FSCN2: variants seen among roughly 807,000 people sequenced by gnomAD.
FSCN2 encodes the protein fascin-2.
FSCN2 carries 46 observed loss-of-function variants against 37.8 expected under a neutral mutation model. The observed-to-expected ratio is 1.22, with a 90% CI of 0.96 to 1.56. The LOEUF (loss-of-function observed/expected upper bound fraction) is 1.56. Among genes scored for constraint, FSCN2 ranks in the 40% most tolerant of loss-of-function variants. The probability of loss-of-function intolerance (pLI) is 0.00; values close to 1 mark genes in which losing one functional copy is unlikely to be tolerated. For missense variants in FSCN2, 844 were observed against 730.4 expected (o/e 1.16, Z -1.79); for synonymous variants, 351 against 309.4 (o/e 1.13, Z -1.41).
In FSCN2 at chr17:81,536,973, C is replaced by T. The variant is rs374827376; in HGVS notation, c.1372C>T (p.Arg458Cys). The change falls in exon 5 of 5, where the codon CGC becomes TGC. Residue 458 changes from arginine (R) to cysteine (C), a missense_variant. Physicochemically the swap from Arg to Cys is radical, Grantham distance 180. Transcript: ENST00000417245. The part of the protein sequence containing the change: ...DFVFEFRERG[R>C]LAIRARSGKY... ...CGTCTTCGAGTTCCGTGAGCGCGGC[C>T]GCCTGGCCATCCGCGCCCGGAGCGG... is the stretch of plus-strand genomic sequence containing the variant. 1.1e-4 allele frequency: 177 copies of T among 1,543,140 alleles called. No homozygotes were observed. The highest frequency in any genetic ancestry group is 1.4e-4 in the Non-Finnish European group (166 of 1,153,420).
rs890547908 is a variant in FSCN2, at chr17:81,536,073, G to A, written c.984-73G>A. The stretch of plus-strand genomic sequence containing the variant: ...TTCTGTCCCACTCCTTGGAACCTGA[G>A]GAGGATGGGGAAGTGAGACCCTGCA... On this transcript the variant is annotated intron_variant, in intron 2 of 4. Coordinates refer to ENST00000417245, the MANE Select transcript of FSCN2 (RefSeq NM_012418.4). The A allele has an allele frequency of 3.2e-6, 5 of 1,542,370 alleles. No homozygotes were observed. The African/African-American group carries it at 6.8e-5, about 21-fold the overall frequency.
intron 1 of FSCN2, chr17:81,529,651 G>A: frequency 3.1e-6 from 2 of 650,008 alleles, no homozygotes; most frequent in South Asian, 1.4e-5. Flanking sequence ...GGCAGCTGCG[G>A]AGTCTGAGAC....
At position 81,529,242 on chromosome 17, in the gene FSCN2, C is replaced by T. The variant is rs1555670817; in HGVS notation, c.711C>T (p.Thr237=). ...HYLAPVGPAG[T]LKAGRNTRPG... is the part of the protein sequence containing the mutation. ...TGGCACCCGTGGGGCCCGCAGGCAC[C>T]CTCAAGGCCGGCCGAAACACGCGAC... Residue 237 remains threonine (T), a synonymous_variant, in exon 1 of 5, where the codon ACC becomes ACT. Transcript: ENST00000417245. 1 of 1,597,484 alleles carries T rather than the reference C, an allele frequency of 6.3e-7. No homozygotes were observed. The highest frequency in any genetic ancestry group is 8.5e-7 in the Non-Finnish European group (1 of 1,170,382).
In FSCN2 at chr17:81,529,299, G is replaced by C. The variant is rs1002976991; in HGVS notation, c.768G>C (p.Glu256Asp). 6.3e-7 allele frequency: 1 copy of C among 1,574,972 alleles called. No individual in the cohort carries two copies. Among genetic ancestry groups the C allele is most frequent in the Non-Finnish European group, 8.6e-7 (1 of 1,158,608 alleles). ...AGGATGAGCTCTTTGATCTGGAGGA[G>C]AGTCACCCACAGGTGGTGCTGGTGG... ...PGKDELFDLE[E>D]SHPQVVLVAA... The change falls in exon 1 of 5, where the codon GAG (glutamate) becomes GAC (aspartate). Residue 256 changes from glutamate to aspartate, a missense_variant. Physicochemically the swap from Glu to Asp is conservative, Grantham distance 45. Coordinates refer to ENST00000417245, the MANE Select transcript of FSCN2 (RefSeq NM_012418.4).
upstream of FSCN2, among the ~76,000 whole-genome samples, chr17:81,524,919 A>ACACACACACACACACACC (rs10677990): frequency 2.8e-5 from 4 of 142,462 alleles, no homozygotes; most frequent in African/African-American, 1.1e-4. Context: ...ACACACACAC[A>ACACACACACACACACACC]CCACACTCAC....
At position 81,537,017 on chromosome 17, in the gene FSCN2, C is replaced by T. The variant is rs940417475; in HGVS notation, c.1416C>T (p.Gly472=). The T allele has an allele frequency of 6.7e-7, 1 of 1,501,504 alleles. No homozygotes were observed. Among genetic ancestry groups the T allele is most frequent in the South Asian group, 1.3e-5 (1 of 79,910 alleles). 93.0% of individuals were successfully genotyped at this position (1,501,504 alleles called of 1,614,324 possible). A position where few individuals can be genotyped will look rare whatever the true frequency, so the allele number is the denominator to read the frequency against. ...GGAGCGGCAAGTACCTGCGCGGCGG[C>T]GCCTCGGGCCTGCTGCGGGCCGATG... ...RARSGKYLRG[G]ASGLLRADAD... The change falls in exon 5 of 5, where the codon GGC becomes GGT. Residue 472 remains glycine, a synonymous_variant. Transcript: ENST00000417245.
the FSCN2 span, among the ~76,000 whole-genome samples, chr17:81,515,706 T>C: frequency 6.6e-6 from 1 of 152,212 alleles, no homozygotes; most frequent in African/African-American, 2.4e-5. Flanking sequence ...TCCACACCAG[T>C]TGACAGGGCC....
intron 1 of FSCN2, chr17:81,529,630 G>A (rs1403801596): frequency 5.8e-6 from 4 of 690,638 alleles, no homozygotes; most frequent in East Asian, 2.9e-5. Context: ...GAATGTCTCA[G>A]CCAAGCCCTG....
intron 1 of FSCN2, among the ~76,000 whole-genome samples, chr17:81,532,407 ATGG>A (rs2032709175): frequency 7.6e-6 from 1 of 131,166 alleles, no homozygotes; most frequent in East Asian, 2.5e-4. Flanking sequence ...GATGATAGTG[ATGG>A]TGATGATGGT....
At chr17:81,535,560 A>C in intron 2 of FSCN2, among the ~76,000 whole-genome samples, 1 of 124,420 alleles carries the variant, frequency 8.0e-6, no homozygotes, top group Non-Finnish European at 1.7e-5. Flanking sequence ...CTCCATCACC[A>C]CCATCCCCAT....
Position 81,536,998 on chromosome 17 carries a change from G to A in FSCN2, c.1397G>A (p.Gly466Asp), listed in dbSNP as rs1451386146. The A allele has an allele frequency of 6.6e-7, 1 of 1,518,114 alleles. No individual in the cohort carries two copies. 94.0% of individuals were successfully genotyped at this position (1,518,114 alleles called of 1,614,324 possible). ...CGCCTGGCCATCCGCGCCCGGAGCG[G>A]CAAGTACCTGCGCGGCGGCGCCTCG... ...RGRLAIRARS[G>D]KYLRGGASGL... is the part of the protein sequence containing the mutation. The change falls in exon 5 of 5, where the codon GGC becomes GAC. Residue 466 changes from glycine to aspartate, a missense_variant. Physicochemically the swap from Gly to Asp is moderately conservative, Grantham distance 94. Coordinates refer to ENST00000417245, the MANE Select transcript of FSCN2 (RefSeq NM_012418.4).
At chr17:81,519,977 A>C in the FSCN2 span, among the ~76,000 whole-genome samples, 1 of 152,208 alleles carries the variant, frequency 6.6e-6, no homozygotes, top group Admixed American at 6.5e-5. Context: ...GAGGCAACCC[A>C]GCAGGAAAAG....
chr17:81,528,397 AG>A lies in FSCN2; in HGVS notation c.-130del, dbSNP rs1293287130. On this transcript the variant is annotated 5_prime_UTR_variant, in exon 1 of 5. Coordinates refer to ENST00000417245, the MANE Select transcript of FSCN2 (RefSeq NM_012418.4). ...GGGTCAGAGGCGGGTCAGAGCAGGC[AG>A]GGGGTTCGTGACGCCGGCTGGGTCT... 3.0e-6 allele frequency: 2 copies of A among 661,722 alleles called. No homozygotes were observed. Among genetic ancestry groups the A allele is most frequent in the Non-Finnish European group, 5.2e-6 (2 of 386,728 alleles). The allele number at this position is 661,722 out of a possible 1,614,324, so 41.0% of individuals were successfully genotyped here.
the FSCN2 span, among the ~76,000 whole-genome samples, chr17:81,515,292 C>G: frequency 1.3e-5 from 2 of 152,044 alleles, no homozygotes; most frequent in African/African-American, 4.8e-5. Context: ...CTTCTGGAAC[C>G]AGTGCCGGAG....
Position 81,537,070 on chromosome 17 carries a change from G to T in FSCN2, c.1469G>T (p.Trp490Leu). Reference protein sequence around the residue: ...DADAPAGTALWEY With the variant: ...DADAPAGTALLEY ...GACGCCCCGGCCGGGACCGCGCTTT[G>T]GGAGTACTGAGGCCGCGCCCAGACC... is the stretch of plus-strand genomic sequence containing the variant. The change falls in exon 5 of 5, where the codon TGG (tryptophan) becomes TTG (leucine). Residue 490 changes from tryptophan (W) to leucine (L), a missense_variant. Transcript: ENST00000417245. The T allele has an allele frequency of 4.8e-6, 7 of 1,452,990 alleles. No individual in the cohort carries two copies. Among genetic ancestry groups the T allele is most frequent in the Non-Finnish European group, 6.3e-6 (7 of 1,109,946 alleles). 90.0% of individuals were successfully genotyped at this position (1,452,990 alleles called of 1,614,324 possible). A position where few individuals can be genotyped will look rare whatever the true frequency, so the allele number is the denominator to read the frequency against.
rs886044892 is a variant in FSCN2, at chr17:81,528,880, C to G, written c.349C>G (p.Gln117Glu). Residue 117 changes from glutamine to glutamate, a missense_variant, in exon 1 of 5, where the codon CAG (glutamine) becomes GAG (glutamate). By Grantham distance (29) the Gln-to-Glu change is conservative (BLOSUM62 2). Transcript: ENST00000417245. ...HGRFFGGTED[Q>E]LSCFATAVSP... is the part of the protein sequence containing the mutation. ...CCGCTTCTTCGGAGGCACCGAGGACCAGCTGTCCTGCTTCGCCACAGCCGT... is the reference window on the plus strand; with the variant it reads ...CCGCTTCTTCGGAGGCACCGAGGACGAGCTGTCCTGCTTCGCCACAGCCGT... 6.4e-6 allele frequency: 10 copies of G among 1,571,772 alleles called. No individual in the cohort carries two copies. In the Admixed American group the frequency reaches 1.6e-4, roughly 26 times the overall value.
upstream of FSCN2, among the ~76,000 whole-genome samples, chr17:81,523,447 G>A (rs781785503): frequency 1.3e-5 from 2 of 152,248 alleles, no homozygotes; most frequent in Non-Finnish European, 2.9e-5. Context: ...AAAAAATCAT[G>A]AGGTCGCCAG....
Position 81,528,788 on chromosome 17 carries a change from G to T in FSCN2, c.257G>T (p.Arg86Leu), listed in dbSNP as rs782411818. 1 of 1,566,714 alleles carries T rather than the reference G, an allele frequency of 6.4e-7. No homozygotes were observed. The highest frequency in any genetic ancestry group is 1.2e-5 in the South Asian group (1 of 85,616). ...RVACEAEQPG[R>L]DCRFLVLPQP... ...GCCTGTGAGGCAGAGCAGCCGGGCCGTGACTGCCGCTTCCTGGTCCTGCCG... is the reference window on the plus strand; with the variant it reads ...GCCTGTGAGGCAGAGCAGCCGGGCCTTGACTGCCGCTTCCTGGTCCTGCCG... The change falls in exon 1 of 5, where the codon CGT (arginine) becomes CTT (leucine). Residue 86 changes from arginine (R) to leucine (L), a missense_variant. Coordinates refer to ENST00000417245, the MANE Select transcript of FSCN2 (RefSeq NM_012418.4).
At chr17:81,530,172 C>T (rs374568754) in intron 1 of FSCN2, 2 of 278,954 alleles carry the variant, frequency 7.2e-6, no homozygotes, top group Middle Eastern at 8.7e-4. Context: ...AGCTGGGGAT[C>T]GGGCGGGGAT....
Sources: allele counts gnomAD v4.1 joint callset (sites outside exome capture counted in the v4.1 genomes callset), GRCh38; gene constraint gnomAD v4.1.1; transcripts MANE v1.5; gene names NCBI Gene and HGNC (gene_info 2026-07-23, HGNC 2026-07-21).